FNDC3A: variants seen among roughly 807,000 people sequenced by gnomAD.
FNDC3A encodes fibronectin type-III domain-containing protein 3A.
Under a neutral mutation model 148.9 loss-of-function variants are expected in FNDC3A, and 32 were observed. The ratio of observed to expected loss-of-function variants is 0.21; its 90% CI spans 0.16 to 0.29. The LOEUF (loss-of-function observed/expected upper bound fraction) is 0.29, where lower values mean the gene tolerates loss of function less well. FNDC3A is among the 10% of genes least tolerant of loss of function. The probability of loss-of-function intolerance (pLI) is 1.00; values close to 1 mark genes in which losing one functional copy is unlikely to be tolerated. For synonymous variants in FNDC3A, 472 were observed against 473.6 expected (o/e 1.00, Z 0.04); for missense variants, 1,191 against 1,452.8 (o/e 0.82, Z 2.93).
chr13:49,098,531 C>A lies in FNDC3A; in HGVS notation c.176-16124C>A, dbSNP rs1879670008. 2.6e-5 allele frequency among the ~76,000 whole-genome samples: 4 copies of A among 152,088 alleles called. No homozygotes were observed. The South Asian group carries it at 8.3e-4, about 32-fold the overall frequency. On this transcript the variant is annotated intron_variant, in intron 3 of 25. Coordinates refer to ENST00000492622, the MANE Select transcript of FNDC3A (RefSeq NM_001079673.2). Reference sequence around the variant, plus strand: ...GCATTCATGGACATTAATATCACAGCCTCTGCAGCTTTCTAAACAAGTGCA... The same window carrying A: ...GCATTCATGGACATTAATATCACAGACTCTGCAGCTTTCTAAACAAGTGCA...
chr13:49,185,370 C>G (rs1885512622), intron 14 of FNDC3A, among the ~76,000 whole-genome samples: 1 of 152,138 alleles, frequency 6.6e-6, no homozygotes, highest in Admixed American at 6.5e-5. Flanking sequence ...AAGATGTCAA[C>G]TGGGGTTGCA....
intron 16 of FNDC3A, among the ~76,000 whole-genome samples, chr13:49,188,263 T>A (rs1593728009): frequency 6.6e-6 from 1 of 152,222 alleles, no homozygotes; most frequent in South Asian, 2.1e-4. Flanking sequence ...TAAAAGTAAA[T>A]TATCAATCTA....
intron 3 of FNDC3A, among the ~76,000 whole-genome samples, chr13:49,104,796 A>G (rs191994119): frequency 6.6e-6 from 1 of 152,342 alleles, no homozygotes. Flanking sequence ...CCTTACCCCA[A>G]AATTAATGCT....
chr13:48,977,931 A>G (rs914180513), intron 1 of FNDC3A, among the ~76,000 whole-genome samples: 1 of 152,160 alleles, frequency 6.6e-6, no homozygotes, highest in African/African-American at 2.4e-5. Context: ...AGCCACCTGT[A>G]TGCTTCTGAA....
chr13:49,016,365 T>C (rs1461148214), intron 2 of FNDC3A, among the ~76,000 whole-genome samples: 1 of 152,222 alleles, frequency 6.6e-6, no homozygotes, highest in Admixed American at 6.5e-5. Context: ...TATCCATTTC[T>C]TCTAGATTTT....
intron 3 of FNDC3A, among the ~76,000 whole-genome samples, chr13:49,083,054 C>T (rs531368957): frequency 1.3e-5 from 2 of 152,188 alleles, no homozygotes; most frequent in Admixed American, 6.5e-5. Context: ...AAAAGGGCAT[C>T]CACACAGAGG....
chr13:49,166,563 A>G (rs148968531), intron 8 of FNDC3A, among the ~76,000 whole-genome samples: 1 of 152,288 alleles, frequency 6.6e-6, no homozygotes, highest in East Asian at 1.9e-4. Flanking sequence ...GCACAACTCC[A>G]GGCATCTCCC....
intron 4 of FNDC3A, among the ~76,000 whole-genome samples, chr13:49,115,989 T>G (rs2137881934): frequency 6.6e-6 from 1 of 152,322 alleles, no homozygotes; most frequent in African/African-American, 2.4e-5. Context: ...CTTCCTTCTC[T>G]TACATGAAGA....
chr13:49,132,496 A>C (rs984638232), intron 5 of FNDC3A, among the ~76,000 whole-genome samples: 2 of 152,154 alleles, frequency 1.3e-5, no homozygotes, highest in Non-Finnish European at 2.9e-5. Context: ...TCTACTCACT[A>C]ACTGCCATTG....
chr13:48,983,521 G>A (rs570979021), intron 1 of FNDC3A, among the ~76,000 whole-genome samples: 2 of 152,188 alleles, frequency 1.3e-5, no homozygotes, highest in Admixed American at 6.5e-5. Context: ...ATAAACAATG[G>A]GCATGACTGT....
intron 3 of FNDC3A, among the ~76,000 whole-genome samples, chr13:49,107,641 C>T (rs1880280210): frequency 6.6e-6 from 1 of 152,106 alleles, no homozygotes; most frequent in African/African-American, 2.4e-5. Flanking sequence ...AGTTCCATAA[C>T]ATCAAGAGTT....
At chr13:49,201,385 G>A (rs1305813956) in intron 23 of FNDC3A, among the ~76,000 whole-genome samples, 2 of 152,070 alleles carry the variant, frequency 1.3e-5, no homozygotes, top group Admixed American at 1.3e-4. Context: ...TCATAGCTCA[G>A]GTCTCTATGC....
At chr13:49,055,256 A>G (rs1016819416) in intron 2 of FNDC3A, among the ~76,000 whole-genome samples, 1 of 152,062 alleles carries the variant, frequency 6.6e-6, no homozygotes, top group Non-Finnish European at 1.5e-5. Context: ...AGCATGCACC[A>G]CTACACCCAG....
At chr13:49,164,019 C>T (rs1183868504) in intron 8 of FNDC3A, among the ~76,000 whole-genome samples, 1 of 152,144 alleles carries the variant, frequency 6.6e-6, no homozygotes, top group Non-Finnish European at 1.5e-5. Flanking sequence ...GATATTGTCC[C>T]TTTGTTCCAG....
intron 5 of FNDC3A, among the ~76,000 whole-genome samples, chr13:49,135,808 C>T (rs946255421): frequency 1.3e-5 from 2 of 152,118 alleles, no homozygotes; most frequent in Non-Finnish European, 2.9e-5. Flanking sequence ...TCTGAAGATA[C>T]ATTATATGTA....
chr13:49,071,060 G>A (rs1034134829), intron 2 of FNDC3A, among the ~76,000 whole-genome samples: 1 of 78,136 alleles, frequency 1.3e-5, no homozygotes, highest in Non-Finnish European at 2.6e-5. Context: ...CCCCATGCCG[G>A]CTTTTTTTTT....
chr13:49,183,895 C>T (rs1459534549), intron 14 of FNDC3A, among the ~76,000 whole-genome samples: 1 of 152,176 alleles, frequency 6.6e-6, no homozygotes, highest in Non-Finnish European at 1.5e-5. Flanking sequence ...ATTCATTCAA[C>T]CAATATCTGT....
At chr13:49,199,993 C>T (rs1398180343) in intron 23 of FNDC3A, among the ~76,000 whole-genome samples, 1 of 152,158 alleles carries the variant, frequency 6.6e-6, no homozygotes, top group Non-Finnish European at 1.5e-5. Flanking sequence ...TTGTAACAGT[C>T]ATTCTAATGC....
chr13:49,028,491 C>T (rs1873885612), intron 2 of FNDC3A, among the ~76,000 whole-genome samples: 1 of 152,032 alleles, frequency 6.6e-6, no homozygotes, highest in Non-Finnish European at 1.5e-5. Flanking sequence ...CCTCCAACCT[C>T]ATCTTCCCAA....
Sources: allele counts gnomAD v4.1 joint callset (sites outside exome capture counted in the v4.1 genomes callset), GRCh38; gene constraint gnomAD v4.1.1; transcripts MANE v1.5; gene names NCBI Gene and HGNC (gene_info 2026-07-23, HGNC 2026-07-21).